The following FRY variants were observed in gnomAD, a reference collection of about 807,000 sequenced individuals.
FRY encodes the protein protein furry homolog.
Under a neutral mutation model 348.4 loss-of-function variants are expected in FRY, and 128 were observed. The observed-to-expected ratio is 0.37, with a 90% CI of 0.32 to 0.43. The LOEUF (loss-of-function observed/expected upper bound fraction) is 0.43. Ranked by LOEUF, FRY falls within the 20% of genes least tolerant of loss-of-function variation. The pLI is 1.00. For missense variants in FRY, 2,736 were observed against 3,695.2 expected (o/e 0.74, Z 6.73); for synonymous variants, 1,370 against 1,374.7 (o/e 1.00, Z 0.08).
At chr13:32,062,159 G>A (rs2138446768) in intron 1 of FRY, among the ~76,000 whole-genome samples, 1 of 151,864 alleles carries the variant, frequency 6.6e-6, no homozygotes, top group African/African-American at 2.4e-5. Flanking sequence ...TATAAAGCGT[G>A]CATTAAGGAA....
intron 29 of FRY, among the ~76,000 whole-genome samples, chr13:32,196,884 C>T (rs1239159410): frequency 6.6e-6 from 1 of 152,098 alleles, no homozygotes; most frequent in Non-Finnish European, 1.5e-5. Flanking sequence ...AACTATTTGG[C>T]TTCTGTGTGT....
In FRY at chr13:32,230,807, C is replaced by A. The variant is rs145010877; in HGVS notation, c.5406-372C>A. On this transcript the variant is annotated intron_variant, in intron 40 of 60. Coordinates refer to ENST00000542859, the MANE Select transcript of FRY (RefSeq NM_023037.3). ...AAAAGCCTTCCTTTTTCTCCACAAC[C>A]TTGCCAGCGTCTATTATTTTTTGAC... 1.4e-3 allele frequency among the ~76,000 whole-genome samples: 217 copies of A among 152,326 alleles called. 3 individuals carry two copies. In the East Asian group the frequency reaches 0.033, roughly 23 times the overall value.
chr13:32,225,426 GA>G (rs746921253), intron 38 of FRY, among the ~76,000 whole-genome samples: 1 of 152,150 alleles, frequency 6.6e-6, no homozygotes, highest in Non-Finnish European at 1.5e-5. Flanking sequence ...ATGGGAAGGG[GA>G]ACCAGCCAGG....
At chr13:32,145,547 T>G (rs1467969092) in intron 11 of FRY, among the ~76,000 whole-genome samples, 18 of 145,624 alleles carry the variant, frequency 1.2e-4, no homozygotes, top group Non-Finnish European at 2.1e-4. Context: ...TTTTTTTTTT[T>G]TTTTTTTTGA....
intron 3 of FRY, among the ~76,000 whole-genome samples, chr13:32,116,475 A>G (rs1878308419): frequency 6.6e-6 from 1 of 152,168 alleles, no homozygotes; most frequent in Admixed American, 6.6e-5. Flanking sequence ...TTGGTTTTGA[A>G]GAGTTTCATT....
intron 3 of FRY, among the ~76,000 whole-genome samples, chr13:32,107,421 T>A (rs1448101944): frequency 6.6e-6 from 1 of 152,202 alleles, no homozygotes; most frequent in African/African-American, 2.4e-5. Context: ...ACAGGATTTT[T>A]AAAGCTCAGT....
intron 55 of FRY, among the ~76,000 whole-genome samples, chr13:32,273,729 G>A (rs1305193918): frequency 6.6e-6 from 1 of 152,182 alleles, no homozygotes; most frequent in Admixed American, 6.5e-5. Context: ...CTGATCTTGG[G>A]AAGCAGAAAA....
intron 23 of FRY, among the ~76,000 whole-genome samples, chr13:32,180,636 A>G (rs2138246414): frequency 6.6e-6 from 1 of 152,320 alleles, no homozygotes; most frequent in East Asian, 1.9e-4. Flanking sequence ...TAATCATTCC[A>G]TCTGAAGTAC....
intron 7 of FRY, among the ~76,000 whole-genome samples, chr13:32,125,778 T>C (rs1003576232): frequency 1.4e-4 from 21 of 152,222 alleles, no homozygotes; most frequent in Admixed American, 4.6e-4. Context: ...TGGCATAATT[T>C]ATTTAATCTA....
chr13:32,277,550 T>C (rs1356776139), intron 57 of FRY, among the ~76,000 whole-genome samples: 3 of 152,176 alleles, frequency 2.0e-5, no homozygotes, highest in African/African-American at 7.2e-5. Flanking sequence ...AGCTGTGGGA[T>C]TCAAAGGCCC....
At chr13:32,272,808 TCA>T (rs1888270545) in intron 55 of FRY, among the ~76,000 whole-genome samples, 1 of 152,136 alleles carries the variant, frequency 6.6e-6, no homozygotes, top group Admixed American at 6.5e-5. Context: ...CGATCTTGGC[TCA>T]CTGCAACCTC....
rs1256921717 is a variant in FRY at position 32,285,715 on chromosome 13, T to C, written c.8470-3918T>C. Among the ~76,000 whole-genome samples, 5 of 152,310 alleles carry C rather than the reference T, an allele frequency of 3.3e-5. No individual in the cohort carries two copies. The East Asian group carries it at 5.8e-4, about 18-fold the overall frequency. ...TCATTTCACACTTCTGAAAAGTAAA[T>C]CCCATAGTAGCAAATGTTTACTTCC... On this transcript the variant is annotated intron_variant, in intron 58 of 60. Transcript: ENST00000542859.
At chr13:32,226,930 C>T (rs752259342) in intron 39 of FRY, among the ~76,000 whole-genome samples, 13 of 152,186 alleles carry the variant, frequency 8.5e-5, no homozygotes, top group Non-Finnish European at 1.6e-4. Flanking sequence ...TATCAATAGC[C>T]TCTTAGAAAC....
intron 3 of FRY, among the ~76,000 whole-genome samples, chr13:32,106,059 TATA>T (rs1877526585): frequency 6.8e-6 from 1 of 148,030 alleles, no homozygotes; most frequent in Non-Finnish European, 1.5e-5. Context: ...TTAAATATAA[TATA>T]ATAATATTAA....
chr13:32,208,557 T>A lies in FRY; in HGVS notation c.4019-296T>A, dbSNP rs7326924. On this transcript the variant is annotated intron_variant, in intron 31 of 60. Transcript: ENST00000542859. ...CCTTCTAACTCCAAGTCCCTTATTT[T>A]GTCCACCCTCTGATATACATCTTCC... 0.022 allele frequency among the ~76,000 whole-genome samples: 3,424 copies of A among 152,310 alleles called. 60 individuals carry two copies. The highest frequency in any genetic ancestry group is 0.034 in the Non-Finnish European group (2,297 of 68,016).
Position 32,117,473 on chromosome 13 carries a change from G to C in FRY, c.464G>C (p.Ser155Thr). Residue 155 changes from serine to threonine, a missense_variant and splice_region_variant, in exon 4 of 61, where the codon AGC becomes ACC. By Grantham distance (58) the Ser-to-Thr change is moderately conservative. Around this residue, in one of 9 missense-constraint regions of FRY, gnomAD observed 309 missense variants for 418.1 expected, o/e 0.74. Coordinates refer to ENST00000542859, the MANE Select transcript of FRY (RefSeq NM_023037.3). Reference sequence around the variant, plus strand: ...CCAAGAACAAGCAATAAATCAAAAAGGTACATTTCTTTTGTGTAAGGATCA... The same window carrying C: ...CCAAGAACAAGCAATAAATCAAAAACGTACATTTCTTTTGTGTAAGGATCA... ...YRPRTSNKSK[S>T]DEQQRDYLME... 2 of 1,613,046 alleles carry C rather than the reference G, an allele frequency of 1.2e-6. No homozygotes were observed. The highest frequency in any genetic ancestry group is 1.7e-6 in the Non-Finnish European group (2 of 1,179,162).
At chr13:32,229,127 T>G (rs1225888072) in intron 40 of FRY, among the ~76,000 whole-genome samples, 1 of 152,188 alleles carries the variant, frequency 6.6e-6, no homozygotes. Context: ...TAAAAGGCAG[T>G]CAGAAACCAG....
intron 41 of FRY, among the ~76,000 whole-genome samples, chr13:32,233,697 T>G (rs1385656471): frequency 6.6e-6 from 1 of 152,162 alleles, no homozygotes; most frequent in Admixed American, 6.5e-5. Flanking sequence ...AAAAGGAGAG[T>G]ATTCTATGTA....
chr13:32,159,869 C>T (rs917932779), intron 16 of FRY, among the ~76,000 whole-genome samples: 1 of 152,194 alleles, frequency 6.6e-6, no homozygotes, highest in Non-Finnish European at 1.5e-5. Context: ...GAAAACATTT[C>T]TTTCCTTGGC....
Sources: gnomAD v4.1 joint callset for allele counts (sites outside exome capture counted in the v4.1 genomes callset) on GRCh38, gnomAD v4.1.1 for gene constraint, gnomAD v4.1.1 regional missense constraint, MANE v1.5 for transcripts, NCBI Gene and HGNC (gene_info 2026-07-23, HGNC 2026-07-21) for gene names.